The following FGF12 variants were observed in gnomAD, a reference collection of about 807,000 sequenced individuals.
FGF12 encodes the protein fibroblast growth factor 12B.
In FGF12, 14 loss-of-function variants were observed where a neutral mutation model predicts 23.6. The observed-to-expected ratio is 0.59, with a 90% CI of 0.39 to 0.93. The LOEUF (loss-of-function observed/expected upper bound fraction) is 0.93, where lower values mean the gene tolerates loss of function less well. FGF12 is among the 40% of genes least tolerant of loss of function. The pLI is 0.00. For missense variants in FGF12, 175 were observed against 217.8 expected (o/e 0.80, Z 1.24); for synonymous variants, 62 against 77.3 (o/e 0.80, Z 1.04).
chr3:192,261,444 C>T (rs1712745623), intron 4 of FGF12, among the ~76,000 whole-genome samples: 1 of 152,178 alleles, frequency 6.6e-6, no homozygotes, highest in Admixed American at 6.6e-5. Flanking sequence ...TGCACTAAAG[C>T]AAACCTCACC....
At chr3:192,609,511 T>G (rs543357873) in intron 2 of FGF12, among the ~76,000 whole-genome samples, 9 of 152,202 alleles carry the variant, frequency 5.9e-5, no homozygotes, top group African/African-American at 1.9e-4. Context: ...AGACATTGCA[T>G]GTCTGTTCTT....
At chr3:192,569,010 G>A (rs1712471328) in intron 2 of FGF12, among the ~76,000 whole-genome samples, 1 of 152,142 alleles carries the variant, frequency 6.6e-6, no homozygotes, top group African/African-American at 2.4e-5. Context: ...TATTAGCTGA[G>A]CAAAACAGGA....
At chr3:192,422,241 C>T (rs1267364930) in intron 2 of FGF12, among the ~76,000 whole-genome samples, 1 of 152,106 alleles carries the variant, frequency 6.6e-6, no homozygotes, top group Non-Finnish European at 1.5e-5. Flanking sequence ...ATGTTACTTA[C>T]TCAGTACGGA....
intron 5 of FGF12, among the ~76,000 whole-genome samples, chr3:192,169,835 G>GAA (rs71177351): frequency 0.12 from 16,405 of 139,496 alleles, 1,044 homozygotes; most frequent in South Asian, 0.19. Context: ...GGTTTCCTCA[G>GAA]AAAAAAAAAA....
chr3:192,652,754 C>T (rs1157267985), intron 2 of FGF12, among the ~76,000 whole-genome samples: 2 of 152,214 alleles, frequency 1.3e-5, no homozygotes, highest in East Asian at 1.9e-4. Context: ...AGAATCACTG[C>T]TTTGAAGGAC....
At chr3:192,582,036 C>T (rs1432484373) in intron 2 of FGF12, among the ~76,000 whole-genome samples, 2 of 152,168 alleles carry the variant, frequency 1.3e-5, no homozygotes, top group Non-Finnish European at 2.9e-5. Context: ...TCTAGGCCCA[C>T]TAAAGTAGAG....
At chr3:192,547,793 G>A (rs1433063435) in intron 2 of FGF12, among the ~76,000 whole-genome samples, 2 of 152,140 alleles carry the variant, frequency 1.3e-5, no homozygotes, top group Non-Finnish European at 2.9e-5. Context: ...TTGCCTTTCA[G>A]TCACTGCGAT....
chr3:192,711,043 C>T (rs1335718465), intron 2 of FGF12, among the ~76,000 whole-genome samples: 1 of 152,192 alleles, frequency 6.6e-6, no homozygotes, highest in African/African-American at 2.4e-5. Flanking sequence ...CACCCATGAA[C>T]ACAGAGCTTC....
intron 2 of FGF12, among the ~76,000 whole-genome samples, chr3:192,418,473 A>C (rs1721420954): frequency 1.3e-5 from 2 of 152,098 alleles, no homozygotes; most frequent in Admixed American, 1.3e-4. Flanking sequence ...AATATCAAAA[A>C]ACTCTGCGTT....
At chr3:192,384,337 G>C (rs1381301474) in intron 2 of FGF12, among the ~76,000 whole-genome samples, 1 of 152,140 alleles carries the variant, frequency 6.6e-6, no homozygotes, top group Non-Finnish European at 1.5e-5. Context: ...GGGGACTATT[G>C]ATATTTTATA....
At position 192,556,148 on chromosome 3, in the gene FGF12, G is replaced by T. The variant is rs147049713; in HGVS notation, c.13+171033C>A. On this transcript the variant is annotated intron_variant, in intron 2 of 5. Coordinates refer to ENST00000445105, the MANE Select transcript of FGF12 (RefSeq NM_004113.6). ...TAGACAGAAAACAACTAATAAAATG[G>T]CAATCATAAGTCCTTCCCTATCAGA... Among the ~76,000 whole-genome samples, 1,104 of 152,052 alleles carry T rather than the reference G, an allele frequency of 7.3e-3. 17 individuals carry two copies. The highest frequency in any genetic ancestry group is 0.025 in the African/African-American group (1,031 of 41,520).
intron 2 of FGF12, among the ~76,000 whole-genome samples, chr3:192,441,415 A>G (rs1352056636): frequency 6.6e-6 from 1 of 152,128 alleles, no homozygotes; most frequent in Non-Finnish European, 1.5e-5. Flanking sequence ...TGACTCTCTG[A>G]TCTGGGGTCA....
At chr3:192,574,662 A>C (rs13093368) in intron 2 of FGF12, among the ~76,000 whole-genome samples, 11,392 of 152,280 alleles carry the variant, frequency 0.075, 488 homozygotes, top group South Asian at 0.13. Context: ...GCTTAGCCTA[A>C]AATTTAAGAA....
chr3:192,154,628 G>A (rs1296855572), intron 5 of FGF12, among the ~76,000 whole-genome samples: 2 of 150,024 alleles, frequency 1.3e-5, no homozygotes, highest in Admixed American at 1.3e-4. Flanking sequence ...GGCTGCTCGG[G>A]GGTCAGGGGT....
chr3:192,367,075 C>T (rs1468658922), intron 2 of FGF12, among the ~76,000 whole-genome samples: 8 of 152,266 alleles, frequency 5.3e-5, no homozygotes, highest in Admixed American at 3.9e-4. Context: ...TCTCCAAAGG[C>T]GGAGACACTC....
chr3:192,459,846 T>TGC (rs1419103099), intron 2 of FGF12, among the ~76,000 whole-genome samples: 2 of 151,856 alleles, frequency 1.3e-5, no homozygotes, highest in Non-Finnish European at 2.9e-5. Context: ...TTAGTGTGTG[T>TGC]GTGTGTGTGT....
chr3:192,725,253 A>G (rs1719171017), intron 2 of FGF12, among the ~76,000 whole-genome samples: 1 of 151,656 alleles, frequency 6.6e-6, no homozygotes, highest in Admixed American at 6.6e-5. Context: ...AAGAAAGTCC[A>G]GGAACTAACA....
At chr3:192,584,121 T>C (rs934033783) in intron 2 of FGF12, among the ~76,000 whole-genome samples, 1 of 152,202 alleles carries the variant, frequency 6.6e-6, no homozygotes, top group Non-Finnish European at 1.5e-5. Context: ...ATATTGCCTA[T>C]GCTCTGTTTC....
At chr3:192,575,966 A>G (rs1712864157) in intron 2 of FGF12, among the ~76,000 whole-genome samples, 1 of 152,208 alleles carries the variant, frequency 6.6e-6, no homozygotes, top group Non-Finnish European at 1.5e-5. Flanking sequence ...TTCTTTCACC[A>G]ATAGATTTTT....
Sources: gnomAD v4.1 joint callset for allele counts (sites outside exome capture counted in the v4.1 genomes callset) on GRCh38, gnomAD v4.1.1 for gene constraint, MANE v1.5 for transcripts, NCBI Gene and HGNC (gene_info 2026-07-23, HGNC 2026-07-21) for gene names.